Variants in TBC1D8 observed in about 807,000 individuals in gnomAD.
TBC1D8 encodes the protein TBC1 domain family member 8.
In TBC1D8, 65 loss-of-function variants were observed where a neutral mutation model predicts 118.8. The ratio of observed to expected loss-of-function variants is 0.55; its 90% CI spans 0.45 to 0.67. The LOEUF (loss-of-function observed/expected upper bound fraction) is 0.67, where lower values mean the gene tolerates loss of function less well. TBC1D8 is among the 30% of genes least tolerant of loss of function. The pLI is 0.00. For missense variants in TBC1D8, 1,376 were observed against 1,471.2 expected, an observed-to-expected ratio of 0.94 and a Z score of 1.06; for synonymous variants, 566 against 595.8, an observed-to-expected ratio of 0.95 and a Z score of 0.73.
At chr2:101,037,999 C>T (rs2278730) in intron 7 of TBC1D8, among the ~76,000 whole-genome samples, 27,023 of 152,042 alleles carry the variant, frequency 0.18, 2,439 homozygotes, top group Middle Eastern at 0.3. Context: ...GACAGGAGGA[C>T]GGCCACCCTG....
intron 1 of TBC1D8, among the ~76,000 whole-genome samples, chr2:101,105,602 A>C (rs1195362848): frequency 7.3e-6 from 1 of 137,108 alleles, no homozygotes; most frequent in African/African-American, 2.8e-5. Context: ...TAAAAAAAAA[A>C]AAAAAACATA....
chr2:101,111,104 T>G (rs1049203185), intron 1 of TBC1D8, among the ~76,000 whole-genome samples: 13 of 152,132 alleles, frequency 8.5e-5, no homozygotes, highest in African/African-American at 2.9e-4. Context: ...AGAAAAATGT[T>G]GGGGAAATTT....
Position 101,038,604 on chromosome 2 carries a change from T to C in TBC1D8, c.1132A>G (p.Ile378Val), listed in dbSNP as rs769025866. 13 of 1,613,814 alleles carry C rather than the reference T, an allele frequency of 8.1e-6. No homozygotes were observed. Among genetic ancestry groups the C allele is most frequent in the Admixed American group, 1.7e-5 (1 of 60,004 alleles). ...EDTSLLPHPI[I>V]VSIRSKVAFQ... is the part of the protein sequence containing the mutation. ...GCCACCTTGCTTCTGATACTGACAA[T>C]GATGGGATGCGGCAGCAGGCTCGTG... is the stretch of plus-strand genomic sequence containing the variant. The change falls in exon 7 of 20, where the codon ATT (isoleucine) becomes GTT (valine). Residue 378 changes from isoleucine to valine, a missense_variant. By Grantham distance (29) the Ile-to-Val change is conservative. Transcript: ENST00000409318.
chr2:101,074,538 A>C lies in TBC1D8; in HGVS notation c.284-14999T>G, dbSNP rs546371552. Among the ~76,000 whole-genome samples the C allele has an allele frequency of 7.2e-5, 11 of 152,368 alleles. No individual in the cohort carries two copies. In the South Asian group the frequency reaches 1.7e-3, roughly 23 times the overall value. On this transcript the variant is annotated intron_variant, in intron 2 of 19. Coordinates refer to ENST00000409318, the MANE Select transcript of TBC1D8 (RefSeq NM_001330348.2). ...CATGCAGTATCTTCAAAGTACAATA[A>C]CGTGAAACACAATAGAAGGAGGTAC...
At chr2:101,094,565 A>G (rs1276988079) in intron 1 of TBC1D8, among the ~76,000 whole-genome samples, 1 of 152,232 alleles carries the variant, frequency 6.6e-6, no homozygotes, top group African/African-American at 2.4e-5. Flanking sequence ...ACAACATCAA[A>G]TGAAAGCAGC....
intron 2 of TBC1D8, among the ~76,000 whole-genome samples, chr2:101,081,006 C>A (rs776853782): frequency 2.6e-4 from 39 of 151,954 alleles, no homozygotes; most frequent in Non-Finnish European, 4.7e-4. Flanking sequence ...GAATTCCCAG[C>A]CTGAAGCAAC....
intron 17 of TBC1D8, among the ~76,000 whole-genome samples, chr2:101,020,811 C>T (rs796080766): frequency 1.1e-4 from 17 of 152,172 alleles, no homozygotes; most frequent in Admixed American, 7.9e-4. Flanking sequence ...CCAGGCCAGA[C>T]GTGAATCCTC....
chr2:101,045,435 G>A (rs535517580), intron 5 of TBC1D8, among the ~76,000 whole-genome samples: 4 of 152,282 alleles, frequency 2.6e-5, no homozygotes, highest in Admixed American at 1.3e-4. Context: ...CATTCGGCCC[G>A]CATCCAAGAG....
chr2:101,062,875 C>T (rs893902317), intron 2 of TBC1D8, among the ~76,000 whole-genome samples: 1 of 152,116 alleles, frequency 6.6e-6, no homozygotes, highest in Non-Finnish European at 1.5e-5. Context: ...CTCCTGACCT[C>T]GTGATCCGCC....
chr2:101,042,908 G>A (rs963606368), intron 5 of TBC1D8, among the ~76,000 whole-genome samples: 13 of 152,144 alleles, frequency 8.5e-5, no homozygotes, highest in Non-Finnish European at 1.8e-4. Flanking sequence ...GTGAGGCCCC[G>A]GAGATAAGAC....
chr2:101,028,268 G>T, intron 13 of TBC1D8, 35 bp downstream of exon 13: 1 of 1,593,470 alleles, frequency 6.3e-7, no homozygotes. Context: ...GGGGTTAGGG[G>T]CTGCAACGGG....
At chr2:101,018,588 A>G (rs1679827016) in intron 17 of TBC1D8, among the ~76,000 whole-genome samples, 1 of 152,216 alleles carries the variant, frequency 6.6e-6, no homozygotes, top group African/African-American at 2.4e-5. Context: ...ACATCCTTTA[A>G]TGTGGATTCA....
At chr2:101,012,550 GAT>G (rs1017519898) in intron 17 of TBC1D8, among the ~76,000 whole-genome samples, 1 of 151,762 alleles carries the variant, frequency 6.6e-6, no homozygotes, top group Non-Finnish European at 1.5e-5. Flanking sequence ...GAGAGCTAAA[GAT>G]ATGACATTTA....
At chr2:101,110,148 T>C (rs1328852827) in intron 1 of TBC1D8, among the ~76,000 whole-genome samples, 3 of 152,210 alleles carry the variant, frequency 2.0e-5, no homozygotes, top group Non-Finnish European at 2.9e-5. Flanking sequence ...TTCTAAGCAA[T>C]AGTGCAGCAA....
At chr2:101,020,036 G>A (rs1003754128) in intron 17 of TBC1D8, among the ~76,000 whole-genome samples, 7 of 147,922 alleles carry the variant, frequency 4.7e-5, no homozygotes, top group Non-Finnish European at 8.9e-5. Flanking sequence ...TTGCGCCACT[G>A]CATTCCAGCC....
intron 1 of TBC1D8, among the ~76,000 whole-genome samples, chr2:101,108,953 G>A (rs1236616894): frequency 6.6e-6 from 1 of 152,116 alleles, no homozygotes; most frequent in African/African-American, 2.4e-5. Context: ...AACCAGGTAT[G>A]GGGTATACCA....
At chr2:101,033,219 T>C (rs1056667193) in intron 10 of TBC1D8, among the ~76,000 whole-genome samples, 5 of 151,776 alleles carry the variant, frequency 3.3e-5, no homozygotes, top group African/African-American at 1.2e-4. Flanking sequence ...CTGGTTCAAG[T>C]GATTCTCCTG....
At chr2:101,102,767 G>A (rs1185038040) in intron 1 of TBC1D8, among the ~76,000 whole-genome samples, 3 of 151,966 alleles carry the variant, frequency 2.0e-5, no homozygotes, top group Admixed American at 1.3e-4. Context: ...TACAGGCCAG[G>A]CACAATGGCT....
chr2:101,010,888 A>G lies in TBC1D8; in HGVS notation c.3015+41T>C, dbSNP rs570168974. The G allele has an allele frequency of 3.8e-6, 6 of 1,571,118 alleles. No homozygotes were observed. In the South Asian group the frequency reaches 5.6e-5, roughly 15 times the overall value. ...CAGAGCGAGACTCCATCTCAAAAAA[A>G]AAAAAAAAAGTTAATTCTCTGCACT... On this transcript the variant is annotated intron_variant, in intron 19 of 19. Coordinates refer to ENST00000409318, the MANE Select transcript of TBC1D8 (RefSeq NM_001330348.2).
Sources: gnomAD v4.1 joint callset for allele counts (sites outside exome capture counted in the v4.1 genomes callset) on GRCh38, gnomAD v4.1.1 for gene constraint, MANE v1.5 for transcripts, NCBI Gene and HGNC (gene_info 2026-07-23, HGNC 2026-07-21) for gene names.